TMEM266: variants seen among roughly 807,000 people sequenced by gnomAD.
The protein encoded by TMEM266 is Hv1 related protein 1.
A neutral mutation model predicts 50.5 loss-of-function variants in TMEM266; 33 were observed. The observed-to-expected ratio is 0.65, with a 90% confidence interval of 0.50 to 0.87. TMEM266 has a LOEUF of 0.87. TMEM266 is among the 40% of genes least tolerant of loss of function. The pLI is 0.00. For synonymous variants in TMEM266, 310 were observed against 292.3 expected (o/e 1.06, Z -0.62); for missense variants, 655 against 695.1 (o/e 0.94, Z 0.65).
chr15:76,162,227 C>T (rs546612801), intron 5 of TMEM266, among the ~76,000 whole-genome samples: 99 of 152,204 alleles, frequency 6.5e-4, no homozygotes, highest in African/African-American at 2.3e-3. Context: ...GGAGCCAGGC[C>T]GCCGGTAGCA....
chr15:76,097,973 C>G (rs1596102636), intron 1 of TMEM266, among the ~76,000 whole-genome samples: 1 of 152,088 alleles, frequency 6.6e-6, no homozygotes, highest in East Asian at 1.9e-4. Context: ...ATGTTCTTCT[C>G]TACACTGTTC....
chr15:76,171,399 T>TG (rs1300464543), intron 7 of TMEM266, among the ~76,000 whole-genome samples: 1 of 152,172 alleles, frequency 6.6e-6, no homozygotes, highest in Non-Finnish European at 1.5e-5. Context: ...ACTGTGAGCC[T>TG]GGGGGGGCCA....
At chr15:76,126,614 C>T (rs1235823570) in intron 1 of TMEM266, among the ~76,000 whole-genome samples, 1 of 151,674 alleles carries the variant, frequency 6.6e-6, no homozygotes, top group Non-Finnish European at 1.5e-5. Flanking sequence ...TCACTGCATC[C>T]TCCGCCTCCC....
intron 8 of TMEM266, among the ~76,000 whole-genome samples, chr15:76,180,607 CTTTTTTTTTTTTTTTTT>C (rs59287886): frequency 1.6e-5 from 1 of 63,170 alleles, no homozygotes; most frequent in Non-Finnish European, 2.7e-5. Context: ...TCATCTTAAG[CTTTTTTTTTTTTTTTTT>C]TTTTTTTGGA....
chr15:76,112,844 A>G (rs1440144592), intron 1 of TMEM266: 1 of 152,142 alleles, frequency 6.6e-6, no homozygotes, highest in Non-Finnish European at 1.5e-5. Context: ...TGTGAGCATA[A>G]ACCACTATAA....
chr15:76,181,258 G>A (rs1430113005), intron 8 of TMEM266: 3 of 152,298 alleles, frequency 2.0e-5, no homozygotes, highest in African/African-American at 7.2e-5. Flanking sequence ...CTTCCCTCCT[G>A]GATCACACTG....
intron 1 of TMEM266, among the ~76,000 whole-genome samples, chr15:76,105,921 G>A (rs1168527187): frequency 6.6e-6 from 1 of 152,150 alleles, no homozygotes; most frequent in African/African-American, 2.4e-5. Flanking sequence ...GTAACATTGT[G>A]TACAGGGAAG....
intron 1 of TMEM266, among the ~76,000 whole-genome samples, chr15:76,121,834 G>A (rs2142019827): frequency 6.6e-6 from 1 of 152,300 alleles, no homozygotes; most frequent in South Asian, 2.1e-4. Flanking sequence ...CTCCTTGATA[G>A]TCTTTCACTA....
Position 76,160,025 on chromosome 15 carries a change from C to T in TMEM266, c.383-70C>T. On this transcript the variant is annotated intron_variant, in intron 4 of 10. Coordinates refer to ENST00000388942, the MANE Select transcript of TMEM266 (RefSeq NM_152335.3). This position sits in a 1 kb window ranked among gnomAD's most constrained non-coding sequence, Gnocchi z 5.7. Reference sequence around the variant, plus strand: ...GGGGTCCCAGAGGTCTGGACGGATGCTGCGAAGCCCCCATAGCAACGCACC... The same window carrying T: ...GGGGTCCCAGAGGTCTGGACGGATGTTGCGAAGCCCCCATAGCAACGCACC... 1.4e-6 allele frequency: 2 copies of T among 1,449,014 alleles called. No homozygotes were observed. The highest frequency in any genetic ancestry group is 1.9e-6 in the Non-Finnish European group (2 of 1,033,088). 89.8% of individuals were successfully genotyped at this position (1,449,014 alleles called of 1,614,324 possible). A position where few individuals can be genotyped will look rare whatever the true frequency, so the allele number is the denominator to read the frequency against.
chr15:76,071,172 T>C (rs1479031299), intron 1 of TMEM266, among the ~76,000 whole-genome samples: 1 of 152,198 alleles, frequency 6.6e-6, no homozygotes, highest in Admixed American at 6.5e-5. Context: ...GCTTCCTCTT[T>C]GTGTAGTGCC....
At chr15:76,129,480 A>G (rs1225677066) in intron 1 of TMEM266, among the ~76,000 whole-genome samples, 1 of 152,040 alleles carries the variant, frequency 6.6e-6, no homozygotes, top group African/African-American at 2.4e-5. Flanking sequence ...CATCTCTACT[A>G]AAAATACAAA....
At chr15:76,140,332 C>G (rs552433933) in intron 3 of TMEM266, among the ~76,000 whole-genome samples, 1 of 152,346 alleles carries the variant, frequency 6.6e-6, no homozygotes, top group Non-Finnish European at 1.5e-5. Flanking sequence ...GGAACGGCCT[C>G]TCTCCGCGAG....
intron 3 of TMEM266, 136 bp from the exon 4 acceptor site, chr15:76,156,468 G>A (rs1021109295): frequency 3.1e-5 from 26 of 832,412 alleles, no homozygotes; most frequent in Middle Eastern, 3.8e-4. Context: ...GTTGTGTTTC[G>A]CCATGAAGCC....
intron 8 of TMEM266, among the ~76,000 whole-genome samples, chr15:76,183,273 C>A (rs7176646): frequency 4.0e-5 from 6 of 151,882 alleles, no homozygotes; most frequent in African/African-American, 7.2e-5. Flanking sequence ...GTGTCACCAC[C>A]CCTGGCTAAT....
chr15:76,133,626 T>C (rs1337745376), intron 1 of TMEM266, among the ~76,000 whole-genome samples: 1 of 152,084 alleles, frequency 6.6e-6, no homozygotes, highest in Non-Finnish European at 1.5e-5. Context: ...GTCACAGAGC[T>C]AGTAGGTGGG....
intron 4 of TMEM266, among the ~76,000 whole-genome samples, chr15:76,159,339 G>A (rs1391456689): frequency 6.6e-6 from 1 of 152,220 alleles, no homozygotes; most frequent in African/African-American, 2.4e-5. Context: ...TTTTAAAAGG[G>A]CTTTCCAAAG....
At chr15:76,123,156 C>T (rs1386091407) in intron 1 of TMEM266, among the ~76,000 whole-genome samples, 1 of 152,150 alleles carries the variant, frequency 6.6e-6, no homozygotes, top group East Asian at 1.9e-4. Context: ...AGCAGATTTG[C>T]AGCTAATAAT....
intron 4 of TMEM266, among the ~76,000 whole-genome samples, chr15:76,157,258 G>T (rs1229474380): frequency 6.6e-6 from 1 of 152,168 alleles, no homozygotes; most frequent in Non-Finnish European, 1.5e-5. Flanking sequence ...AGTTTTTAAA[G>T]CATTTTTCCG....
chr15:76,191,966 A>C lies in TMEM266; in HGVS notation c.769-2A>C, dbSNP rs749389944. ...TTCAGCCTTGCCCGTCTCCCTCCGC[A>C]GTTTGAGATCCGGCAGCTGCGCGCG... On this transcript the variant is annotated splice_acceptor_variant, in intron 8 of 10. Coordinates refer to ENST00000388942, the MANE Select transcript of TMEM266 (RefSeq NM_152335.3). LOFTEE classifies it high-confidence loss of function. The C allele has an allele frequency of 6.3e-7, 1 of 1,580,624 alleles. No individual in the cohort carries two copies. The highest frequency in any genetic ancestry group is 8.6e-7 in the Non-Finnish European group (1 of 1,168,802).
Sources: gnomAD v4.1 joint callset for allele counts (sites outside exome capture counted in the v4.1 genomes callset) on GRCh38, gnomAD v4.1.1 for gene constraint, Gnocchi (gnomAD v3.1) non-coding constraint, MANE v1.5 for transcripts, NCBI Gene and HGNC (gene_info 2026-07-23, HGNC 2026-07-21) for gene names.